Variants in PKNOX2 observed in about 807,000 individuals in gnomAD.
The protein encoded by PKNOX2 is homeobox protein PKNOX2.
In PKNOX2, 14 loss-of-function variants were observed where a neutral mutation model predicts 53.1. The ratio of observed to expected loss-of-function variants is 0.26; its 90% confidence interval spans 0.17 to 0.41. The LOEUF is 0.41. Ranked by LOEUF, PKNOX2 falls within the 10% of genes least tolerant of loss-of-function variation. The probability of loss-of-function intolerance (pLI) is 1.00; values close to 1 mark genes in which losing one functional copy is unlikely to be tolerated. For synonymous variants in PKNOX2, 257 were observed against 242.8 expected, an observed-to-expected ratio of 1.06 and a Z score of -0.54; for missense variants, 496 against 602.8, an observed-to-expected ratio of 0.82 and a Z score of 1.85.
chr11:125,279,016 C>A (rs968027455), intron 2 of PKNOX2, among the ~76,000 whole-genome samples: 4 of 152,226 alleles, frequency 2.6e-5, no homozygotes, highest in African/African-American at 7.2e-5. Context: ...TGTACCTATT[C>A]TCTCCTCGTG....
At chr11:125,283,802 G>T (rs1470075155) in intron 2 of PKNOX2, among the ~76,000 whole-genome samples, 1 of 152,188 alleles carries the variant, frequency 6.6e-6, no homozygotes, top group Non-Finnish European at 1.5e-5. Context: ...TCATGTTTGT[G>T]TCCAGGATAG....
intron 2 of PKNOX2, among the ~76,000 whole-genome samples, chr11:125,306,349 C>T (rs1948456193): frequency 6.6e-6 from 1 of 152,198 alleles, no homozygotes; most frequent in Admixed American, 6.5e-5. Flanking sequence ...CCCCCCACCC[C>T]CCAGGGAGCT....
At chr11:125,249,920 C>A (rs1188393091) in intron 2 of PKNOX2, among the ~76,000 whole-genome samples, 1 of 151,988 alleles carries the variant, frequency 6.6e-6, no homozygotes, top group East Asian at 1.9e-4. Flanking sequence ...AAAATATTAG[C>A]CAGGTGTGGT....
intron 2 of PKNOX2, among the ~76,000 whole-genome samples, chr11:125,267,243 C>T (rs1177453202): frequency 2.0e-5 from 3 of 152,188 alleles, no homozygotes; most frequent in African/African-American, 7.2e-5. Flanking sequence ...CCAAACTCCT[C>T]CCCTTGTGCT....
chr11:125,195,899 A>ACACG (rs1937626094), intron 1 of PKNOX2, among the ~76,000 whole-genome samples: 1 of 151,736 alleles, frequency 6.6e-6, no homozygotes, highest in South Asian at 2.1e-4. Flanking sequence ...ACACACACAC[A>ACACG]CACACACACA....
chr11:125,164,985 G>A (rs1247563560), intron 1 of PKNOX2, among the ~76,000 whole-genome samples: 2 of 151,866 alleles, frequency 1.3e-5, no homozygotes, highest in Non-Finnish European at 2.9e-5. Flanking sequence ...GCAGGGAGGA[G>A]GGAGGCAGGG....
chr11:125,333,847 A>T (rs533959534), intron 3 of PKNOX2, among the ~76,000 whole-genome samples: 11 of 152,270 alleles, frequency 7.2e-5, no homozygotes, highest in African/African-American at 2.6e-4. Flanking sequence ...CCAGAGGGGA[A>T]GGGCTGGGGT....
At chr11:125,280,381 G>A (rs1946475189) in intron 2 of PKNOX2, among the ~76,000 whole-genome samples, 1 of 152,156 alleles carries the variant, frequency 6.6e-6, no homozygotes, top group South Asian at 2.1e-4. Flanking sequence ...CCTTGAATGG[G>A]AAGTGTAGGC....
intron 4 of PKNOX2, among the ~76,000 whole-genome samples, chr11:125,367,444 T>C (rs753720240): frequency 1.3e-5 from 2 of 152,244 alleles, no homozygotes; most frequent in South Asian, 4.1e-4. Context: ...GACAGCTGAT[T>C]CAGCTCCTGT....
intron 2 of PKNOX2, among the ~76,000 whole-genome samples, chr11:125,262,349 G>C (rs573798981): frequency 6.6e-5 from 10 of 152,290 alleles, no homozygotes; most frequent in Admixed American, 6.5e-4. Context: ...GCAGCCACGC[G>C]TGAGGATGGA....
chr11:125,258,149 C>T (rs1944556806), intron 2 of PKNOX2, among the ~76,000 whole-genome samples: 1 of 152,174 alleles, frequency 6.6e-6, no homozygotes. Flanking sequence ...CACACCCACC[C>T]CAGCACCCCT....
chr11:125,420,309 T>G lies in PKNOX2; in HGVS notation c.936+8444T>G, dbSNP rs181286441. On this transcript the variant is annotated intron_variant, in intron 10 of 12. Transcript: ENST00000298282. ...TTGGGAGGCCGAGGTGGGCAGATCA[T>G]GAGGTCAGGAGATCGAGACCATCCT... Among the ~76,000 whole-genome samples the G allele has an allele frequency of 6.6e-3, 992 of 150,880 alleles. 3 individuals carry two copies. The highest frequency in any genetic ancestry group is 0.01 in the Non-Finnish European group (703 of 67,884).
chr11:125,175,207 A>AGTAGGAAG, intron 1 of PKNOX2, among the ~76,000 whole-genome samples: 1 of 138,978 alleles, frequency 7.2e-6, no homozygotes, highest in African/African-American at 2.8e-5. Context: ...GGGTTTGAGG[A>AGTAGGAAG]GAAGGAAGGA....
At chr11:125,214,325 T>C (rs1940227451) in intron 1 of PKNOX2, among the ~76,000 whole-genome samples, 1 of 152,020 alleles carries the variant, frequency 6.6e-6, no homozygotes. Context: ...GCATTTCCTC[T>C]TCTGATTCGC....
chr11:125,191,649 T>C (rs531203639), intron 1 of PKNOX2, among the ~76,000 whole-genome samples: 1 of 151,812 alleles, frequency 6.6e-6, no homozygotes, highest in African/African-American at 2.4e-5. Context: ...GTGGGGCGTG[T>C]GGTTGGGGTG....
At chr11:125,253,601 G>A (rs182050233) in intron 2 of PKNOX2, among the ~76,000 whole-genome samples, 3 of 152,234 alleles carry the variant, frequency 2.0e-5, no homozygotes, top group East Asian at 1.9e-4. Flanking sequence ...TGATAGCACC[G>A]CTGATTTGTC....
chr11:125,423,962 C>T (rs891217408), intron 10 of PKNOX2, among the ~76,000 whole-genome samples: 3 of 152,182 alleles, frequency 2.0e-5, no homozygotes, highest in African/African-American at 7.2e-5. Context: ...TACAGTTAAA[C>T]AGAGCCAGCA....
At chr11:125,398,126 C>G in intron 7 of PKNOX2, 64 bp downstream of exon 7, 1 of 1,500,056 alleles carries the variant, frequency 6.7e-7, no homozygotes, top group Non-Finnish European at 9.0e-7. Flanking sequence ...TGGAGCCACG[C>G]GTGGAGGAAG....
intron 4 of PKNOX2, among the ~76,000 whole-genome samples, chr11:125,359,234 G>A (rs896125069): frequency 1.3e-5 from 2 of 152,126 alleles, no homozygotes; most frequent in African/African-American, 2.4e-5. Flanking sequence ...ACAAGGCTGC[G>A]GATCCGTGAG....
Sources: allele counts gnomAD v4.1 joint callset (sites outside exome capture counted in the v4.1 genomes callset), GRCh38; gene constraint gnomAD v4.1.1; transcripts MANE v1.5; gene names NCBI Gene and HGNC (gene_info 2026-07-23, HGNC 2026-07-21).